Variants in LARGE1 observed in about 807,000 individuals in gnomAD.
LARGE1 encodes LARGE xylosyl- and glucuronyltransferase 1.
Under a neutral mutation model 87.6 loss-of-function variants are expected in LARGE1, and 43 were observed. The observed-to-expected ratio is 0.49, with a 90% CI of 0.38 to 0.63. LARGE1 has a LOEUF of 0.63. Among genes scored for constraint, LARGE1 ranks in the 30% least tolerant of loss-of-function variants. LARGE1 has a pLI of 0.00. For missense variants in LARGE1, 802 were observed against 1,000.2 expected (o/e 0.80, Z 2.67); for synonymous variants, 434 against 394.6 (o/e 1.10, Z -1.18).
At chr22:33,083,115 T>C in the LARGE1 span, among the ~76,000 whole-genome samples, 1 of 152,210 alleles carries the variant, frequency 6.6e-6, no homozygotes, top group South Asian at 2.1e-4. Flanking sequence ...CTGTTGGTTT[T>C]ATTGCCTTTT....
chr22:33,086,646 G>A, the LARGE1 span, among the ~76,000 whole-genome samples: 3 of 149,642 alleles, frequency 2.0e-5, no homozygotes, highest in Non-Finnish European at 3.0e-5. Context: ...TCTGCCTCCC[G>A]GGTTCAAGCT....
At chr22:33,302,768 G>A (rs1322407674) in intron 12 of LARGE1, among the ~76,000 whole-genome samples, 1 of 152,168 alleles carries the variant, frequency 6.6e-6, no homozygotes, top group Non-Finnish European at 1.5e-5. Flanking sequence ...ACGTGTAGCA[G>A]GGTGACGGGC....
intron 1 of LARGE1, among the ~76,000 whole-genome samples, chr22:33,769,373 T>C (rs878924325): frequency 2.6e-5 from 4 of 152,312 alleles, no homozygotes; most frequent in Admixed American, 2.6e-4. Flanking sequence ...CTTTACGGTC[T>C]ATCTCCCCTA....
chr22:33,592,545 C>G (rs59603572), intron 5 of LARGE1, among the ~76,000 whole-genome samples: 1 of 152,102 alleles, frequency 6.6e-6, no homozygotes, highest in Non-Finnish European at 1.5e-5. Context: ...AAACCCAACT[C>G]ATACTCTCCA....
chr22:33,856,226 G>A (rs1244002896), intron 1 of LARGE1, among the ~76,000 whole-genome samples: 1 of 152,186 alleles, frequency 6.6e-6, no homozygotes, highest in African/African-American at 2.4e-5. Context: ...ACCCGGACCA[G>A]TTCTCAGGGG....
intron 13 of LARGE1, among the ~76,000 whole-genome samples, chr22:33,279,267 G>A (rs1282524874): frequency 6.6e-6 from 1 of 152,162 alleles, no homozygotes; most frequent in African/African-American, 2.4e-5. Context: ...GAGCTGGAAA[G>A]AAAAGCTTCA....
In LARGE1 at chr22:33,392,765, T is replaced by G. The variant is rs1337681345; in HGVS notation, c.893-8461A>C. On this transcript the variant is annotated intron_variant, in intron 7 of 14. Transcript: ENST00000397394. The stretch of plus-strand genomic sequence containing the variant: ...GGTACAGTGGAAGAGTATCCACCAG[T>G]GCTGTAGTGGGAATTATTAATGGAT... Among the ~76,000 whole-genome samples the G allele has an allele frequency of 2.0e-5, 3 of 152,278 alleles. No homozygotes were observed. The East Asian group carries it at 5.8e-4, about 29-fold the overall frequency.
intron 1 of LARGE1, among the ~76,000 whole-genome samples, chr22:33,906,618 G>C (rs990102352): frequency 6.6e-6 from 1 of 152,084 alleles, no homozygotes; most frequent in Non-Finnish European, 1.5e-5. Context: ...CCCATTCATT[G>C]GCTGCCATCT....
intron 4 of LARGE1, among the ~76,000 whole-genome samples, chr22:33,617,028 G>A (rs1489387502): frequency 6.6e-6 from 1 of 152,226 alleles, no homozygotes; most frequent in Admixed American, 6.5e-5. Context: ...GTATTTGGGA[G>A]AGGGAAGGAG....
chr22:33,487,823 T>C (rs1379143295), intron 6 of LARGE1, among the ~76,000 whole-genome samples: 1 of 152,212 alleles, frequency 6.6e-6, no homozygotes, highest in Non-Finnish European at 1.5e-5. Context: ...ATGTTGAAAC[T>C]CTGAGCTTCT....
chr22:33,367,555 G>A (rs752471248), intron 9 of LARGE1, among the ~76,000 whole-genome samples: 2 of 152,004 alleles, frequency 1.3e-5, no homozygotes, highest in Non-Finnish European at 2.9e-5. Flanking sequence ...ACTGGGACTT[G>A]AGTAGCTACC....
chr22:33,278,584 CACACG>C (rs1929810996), intron 13 of LARGE1, among the ~76,000 whole-genome samples: 3 of 151,434 alleles, frequency 2.0e-5, no homozygotes, highest in African/African-American at 7.4e-5. Context: ...CACACACACA[CACACG>C]CAGATATTGT....
At chr22:33,087,473 A>G in the LARGE1 span, among the ~76,000 whole-genome samples, 1 of 152,218 alleles carries the variant, frequency 6.6e-6, no homozygotes, top group African/African-American at 2.4e-5. Context: ...CTTATGCATA[A>G]TAGTGGAAGC....
chr22:33,398,584 G>A (rs1313840271), intron 7 of LARGE1, among the ~76,000 whole-genome samples: 2 of 152,188 alleles, frequency 1.3e-5, no homozygotes, highest in African/African-American at 4.8e-5. Context: ...ATAAAAAGTT[G>A]AGGAAAAGTG....
the LARGE1 span, among the ~76,000 whole-genome samples, chr22:33,083,594 A>G: frequency 0.11 from 16,273 of 152,234 alleles, 1,114 homozygotes; most frequent in African/African-American, 0.2. Flanking sequence ...AGTCTGAACC[A>G]TGAAAAAATA....
chr22:33,428,461 A>C (rs9607045), intron 7 of LARGE1, among the ~76,000 whole-genome samples: 103,643 of 150,506 alleles, frequency 0.69, 37,109 homozygotes, highest in African/African-American at 0.88. Flanking sequence ...TTACAGGCAC[A>C]CACCACCATG....
chr22:33,174,475 G>A (rs1184216808), intron 11 of LARGE1, among the ~76,000 whole-genome samples: 1 of 152,074 alleles, frequency 6.6e-6, no homozygotes, highest in Non-Finnish European at 1.5e-5. Flanking sequence ...CAGAAGACAA[G>A]AAATAATTAA....
rs191945225 is a variant in LARGE1 at position 33,716,179 on chromosome 22, T to C, written c.106+45192A>G. Among the ~76,000 whole-genome samples, 4 of 152,272 alleles carry C rather than the reference T, an allele frequency of 2.6e-5. No individual in the cohort carries two copies. In the East Asian group the frequency reaches 7.7e-4, roughly 29 times the overall value. On this transcript the variant is annotated intron_variant, in intron 2 of 14. Coordinates refer to ENST00000397394, the MANE Select transcript of LARGE1 (RefSeq NM_133642.5). ...TCCTATATCCTCAGGTTGATGAATT[T>C]AGGAAATTAAAATACAGGATGGCCG...
At chr22:33,803,745 G>C (rs1437365039) in intron 1 of LARGE1, among the ~76,000 whole-genome samples, 1 of 152,240 alleles carries the variant, frequency 6.6e-6, no homozygotes, top group Non-Finnish European at 1.5e-5. Flanking sequence ...CCACACGTGT[G>C]AAAACATGTT....
Sources: allele counts gnomAD v4.1 joint callset (sites outside exome capture counted in the v4.1 genomes callset), GRCh38; gene constraint gnomAD v4.1.1; transcripts MANE v1.5; gene names NCBI Gene and HGNC (gene_info 2026-07-23, HGNC 2026-07-21).